SCD5: variants seen among roughly 807,000 people sequenced by gnomAD.
The protein encoded by SCD5 is acyl-CoA-desaturase 4.
In SCD5, 20 loss-of-function variants were observed where a neutral mutation model predicts 30.4. The ratio of observed to expected loss-of-function variants is 0.66; its 90% confidence interval spans 0.46 to 0.96. The LOEUF (loss-of-function observed/expected upper bound fraction) is 0.96, where lower values mean the gene tolerates loss of function less well. SCD5 is among the 40% of genes least tolerant of loss of function. The pLI is 0.00. For synonymous variants in SCD5, 173 were observed against 176.4 expected, an observed-to-expected ratio of 0.98 and a Z score of 0.16; for missense variants, 381 against 443.3, an observed-to-expected ratio of 0.86 and a Z score of 1.26.
chr4:82,633,186 A>G (rs1727357271), intron 4 of SCD5, among the ~76,000 whole-genome samples: 1 of 131,812 alleles, frequency 7.6e-6, no homozygotes, highest in African/African-American at 3.3e-5. Context: ...ATTCTGCTCT[A>G]CTTCGTTCAA....
chr4:82,710,894 C>CAG (rs34374340), intron 1 of SCD5, among the ~76,000 whole-genome samples: 27 of 149,950 alleles, frequency 1.8e-4, no homozygotes, highest in Non-Finnish European at 3.6e-4. Context: ...GAAAACGAGA[C>CAG]AGAGAGAGAG....
intron 3 of SCD5, among the ~76,000 whole-genome samples, chr4:82,669,685 T>C (rs532449968): frequency 6.6e-6 from 1 of 152,268 alleles, no homozygotes; most frequent in African/African-American, 2.4e-5. Context: ...GACCAGGTTC[T>C]CAGAGTAAGT....
At chr4:82,651,379 C>T (rs765065875) in intron 3 of SCD5, among the ~76,000 whole-genome samples, 22 of 152,080 alleles carry the variant, frequency 1.4e-4, no homozygotes, top group East Asian at 1.9e-4. Context: ...GAAAACCAAA[C>T]GTCGTATGTT....
At position 82,675,593 on chromosome 4, in the gene SCD5, G is replaced by A. The variant is rs201181763; in HGVS notation, c.569+5114C>T. Among the ~76,000 whole-genome samples, 16 of 152,250 alleles carry A rather than the reference G, an allele frequency of 1.1e-4. No homozygotes were observed. In the East Asian group the frequency reaches 2.9e-3, roughly 28 times the overall value. ...AATAAGGCAAGGACCTTGTTTTTAT[G>A]TGTCTGGACTAGCATCCTCCCTGTC... On this transcript the variant is annotated intron_variant, in intron 3 of 4. Transcript: ENST00000319540.
intron 1 of SCD5, among the ~76,000 whole-genome samples, chr4:82,787,061 ATTGT>A (rs1000130743): frequency 3.3e-5 from 5 of 152,098 alleles, no homozygotes; most frequent in Non-Finnish European, 5.9e-5. Flanking sequence ...TTGTTCCTAG[ATTGT>A]TTGTGCAAAT....
chr4:82,714,087 C>G (rs1338028600), intron 1 of SCD5, among the ~76,000 whole-genome samples: 1 of 152,212 alleles, frequency 6.6e-6, no homozygotes, highest in Non-Finnish European at 1.5e-5. Context: ...TCCTGTCTGC[C>G]TGTCTGTATC....
At chr4:82,728,822 C>G (rs914003505) in intron 1 of SCD5, among the ~76,000 whole-genome samples, 1 of 152,208 alleles carries the variant, frequency 6.6e-6, no homozygotes, top group African/African-American at 2.4e-5. Flanking sequence ...CAATTAAACT[C>G]TTTCTCTACT....
At chr4:82,678,943 T>C (rs1728492227) in intron 3 of SCD5, among the ~76,000 whole-genome samples, 1 of 152,106 alleles carries the variant, frequency 6.6e-6, no homozygotes, top group South Asian at 2.1e-4. Context: ...GGCTCATGCC[T>C]GTAATCCCAG....
At chr4:82,695,793 CTCT>C (rs973149727) in intron 2 of SCD5, among the ~76,000 whole-genome samples, 2 of 152,280 alleles carry the variant, frequency 1.3e-5, no homozygotes, top group African/African-American at 4.8e-5. Context: ...CCCTACCCTC[CTCT>C]TCTTCTTTGC....
intron 3 of SCD5, among the ~76,000 whole-genome samples, chr4:82,649,854 G>A (rs576204956): frequency 6.6e-6 from 1 of 152,218 alleles, no homozygotes; most frequent in East Asian, 1.9e-4. Flanking sequence ...TATCTTTGAG[G>A]GTCACCGGGC....
At chr4:82,709,343 T>C (rs1720033081) in intron 1 of SCD5, among the ~76,000 whole-genome samples, 1 of 152,188 alleles carries the variant, frequency 6.6e-6, no homozygotes, top group Non-Finnish European at 1.5e-5. Context: ...ACAGTTTCAT[T>C]GAGCTGCTAT....
chr4:82,678,095 C>T (rs749435683), intron 3 of SCD5, among the ~76,000 whole-genome samples: 26 of 152,072 alleles, frequency 1.7e-4, no homozygotes, highest in Admixed American at 1.5e-3. Flanking sequence ...TAGTTTAGAA[C>T]GTGTTCTAAA....
At chr4:82,708,186 T>C (rs1317178985) in intron 1 of SCD5, among the ~76,000 whole-genome samples, 3 of 152,174 alleles carry the variant, frequency 2.0e-5, no homozygotes, top group East Asian at 3.8e-4. Context: ...TCTGCAAATA[T>C]ACTAAAAACA....
At chr4:82,664,999 C>CTCTCTCTCTCTCTCTCTA (rs1219554314) in intron 3 of SCD5, among the ~76,000 whole-genome samples, 17 of 70,488 alleles carry the variant, frequency 2.4e-4, no homozygotes, top group Non-Finnish European at 3.8e-4. Flanking sequence ...CTCTCTCTCT[C>CTCTCTCTCTCTCTCTCTA]TATATATATA....
At chr4:82,719,505 TTTC>T (rs1283504456) in intron 1 of SCD5, among the ~76,000 whole-genome samples, 4 of 96,958 alleles carry the variant, frequency 4.1e-5, no homozygotes, top group African/African-American at 2.6e-4. Flanking sequence ...AAAATATGAT[TTTC>T]TTTTTTTTTT....
chr4:82,660,618 C>A, intron 3 of SCD5: 1 of 1,332,344 alleles, frequency 7.5e-7, no homozygotes, highest in South Asian at 1.6e-5. Flanking sequence ...ATCATTATTA[C>A]CCTGCTCTAG....
At chr4:82,678,577 A>G (rs527352480) in intron 3 of SCD5, among the ~76,000 whole-genome samples, 1 of 152,338 alleles carries the variant, frequency 6.6e-6, no homozygotes, top group Non-Finnish European at 1.5e-5. Flanking sequence ...ATTGGAAATG[A>G]CATACATAGC....
At chr4:82,779,032 A>C (rs1721813308) in intron 1 of SCD5, among the ~76,000 whole-genome samples, 1 of 151,816 alleles carries the variant, frequency 6.6e-6, no homozygotes, top group Admixed American at 6.6e-5. Flanking sequence ...CGCCTGGCTA[A>C]TTTTGTATTT....
At chr4:82,654,244 G>C (rs146925610) in intron 3 of SCD5, among the ~76,000 whole-genome samples, 1 of 152,180 alleles carries the variant, frequency 6.6e-6, no homozygotes, top group African/African-American at 2.4e-5. Flanking sequence ...CTGTGTGACA[G>C]ATTTATTATT....
Sources: gnomAD v4.1 joint callset for allele counts (sites outside exome capture counted in the v4.1 genomes callset) on GRCh38, gnomAD v4.1.1 for gene constraint, MANE v1.5 for transcripts, NCBI Gene and HGNC (gene_info 2026-07-23, HGNC 2026-07-21) for gene names.